NDUFA5: variants seen among roughly 807,000 people sequenced by gnomAD.
The protein encoded by NDUFA5 is NADH:ubiquinone oxidoreductase subunit A5.
In NDUFA5, 11 loss-of-function variants were observed where a neutral mutation model predicts 19.8. The observed-to-expected ratio is 0.56, with a 90% CI of 0.35 to 0.92. The LOEUF (loss-of-function observed/expected upper bound fraction) is 0.92, where lower values mean the gene tolerates loss of function less well. Among genes scored for constraint, NDUFA5 ranks in the 40% least tolerant of loss-of-function variants. The pLI, the probability that NDUFA5 is intolerant of heterozygous loss-of-function variation, is 0.01. For synonymous variants in NDUFA5, 47 were observed against 46.8 expected, an observed-to-expected ratio of 1.00 and a Z score of -0.01; for missense variants, 109 against 134.2, an observed-to-expected ratio of 0.81 and a Z score of 0.93.
chr7:123,557,809 A>G lies in NDUFA5; in HGVS notation c.-14T>C, dbSNP rs1798622580. 1.2e-6 allele frequency: 2 copies of G among 1,613,650 alleles called. No homozygotes were observed. Among genetic ancestry groups the G allele is most frequent in the South Asian group, 2.2e-5 (2 of 91,054 alleles). ...CACACCCGCCATGACAGCGCCAACG[A>G]CTCGGTGACGCACAACCCTTTGGGA... On this transcript the variant is annotated 5_prime_UTR_variant, in exon 1 of 5. Coordinates refer to ENST00000355749, the MANE Select transcript of NDUFA5 (RefSeq NM_005000.5).
At chr7:123,558,790 G>A (rs1278407496), upstream of NDUFA5, among the ~76,000 whole-genome samples, 1 of 152,110 alleles carries the variant, frequency 6.6e-6, no homozygotes, top group East Asian at 1.9e-4. Context: ...TACTTTTTAA[G>A]GAATGGGAAC....
the NDUFA5 span, among the ~76,000 whole-genome samples, chr7:123,581,231 G>A: frequency 6.6e-6 from 1 of 151,644 alleles, no homozygotes; most frequent in African/African-American, 2.4e-5. Context: ...ATAGTAGAAG[G>A]GTATGGGAGA....
chr7:123,572,796 T>C, the NDUFA5 span, among the ~76,000 whole-genome samples: 1 of 152,086 alleles, frequency 6.6e-6, no homozygotes. Flanking sequence ...ATACATTTGT[T>C]ACATTTATTA....
the NDUFA5 span, among the ~76,000 whole-genome samples, chr7:123,597,522 CTG>C: frequency 6.6e-6 from 1 of 152,172 alleles, no homozygotes; most frequent in Non-Finnish European, 1.5e-5. Flanking sequence ...GCACTCAGCA[CTG>C]TGAGTCTTAA....
At chr7:123,548,779 C>T (rs1013871363) in intron 3 of NDUFA5, among the ~76,000 whole-genome samples, 1 of 152,140 alleles carries the variant, frequency 6.6e-6, no homozygotes, top group Admixed American at 6.5e-5. Flanking sequence ...AAGCTTCATA[C>T]AACCAGCTCA....
At chr7:123,553,454 G>T (rs1388433298) in intron 2 of NDUFA5, among the ~76,000 whole-genome samples, 1 of 152,190 alleles carries the variant, frequency 6.6e-6, no homozygotes, top group Admixed American at 6.5e-5. Context: ...CTCCCACCAG[G>T]TTCCTCTCCC....
At chr7:123,550,733 A>C in intron 2 of NDUFA5, 147 bp from the exon 3 acceptor site, 1 of 579,976 alleles carries the variant, frequency 1.7e-6, no homozygotes, top group Non-Finnish European at 3.0e-6. Flanking sequence ...CTTTGCTCTG[A>C]CTTCTTTATG....
the NDUFA5 span, among the ~76,000 whole-genome samples, chr7:123,568,206 GT>G: frequency 6.6e-6 from 1 of 152,148 alleles, no homozygotes; most frequent in African/African-American, 2.4e-5. Context: ...GTTAAACATA[GT>G]TGTCTCTATT....
At chr7:123,570,092 T>G in the NDUFA5 span, among the ~76,000 whole-genome samples, 1 of 141,256 alleles carries the variant, frequency 7.1e-6, no homozygotes, top group Non-Finnish European at 1.5e-5. Context: ...TGGCTTGCAG[T>G]GGCACGATCT....
intron 2 of NDUFA5, among the ~76,000 whole-genome samples, chr7:123,554,254 T>C (rs1313122732): frequency 6.6e-6 from 1 of 152,196 alleles, no homozygotes; most frequent in Non-Finnish European, 1.5e-5. Context: ...TTTGTTAGGG[T>C]AAATAAAATA....
At position 123,542,686 on chromosome 7, in the gene NDUFA5, T is replaced by A. The variant is rs1797983504; in HGVS notation, c.250-466A>T. 2.0e-5 allele frequency among the ~76,000 whole-genome samples: 3 copies of A among 152,182 alleles called. No individual in the cohort carries two copies. The South Asian group carries it at 6.2e-4, about 31-fold the overall frequency. On this transcript the variant is annotated intron_variant, in intron 4 of 4. Coordinates refer to ENST00000355749, the MANE Select transcript of NDUFA5 (RefSeq NM_005000.5). ...ATATTCTTTTTTCTATTGTGTTTTT[T>A]TAAGCTAATCACTATCCAACTAACT...
At chr7:123,592,006 C>T in the NDUFA5 span, among the ~76,000 whole-genome samples, 1 of 152,118 alleles carries the variant, frequency 6.6e-6, no homozygotes, top group African/African-American at 2.4e-5. Context: ...AGAGATTCAA[C>T]TTTTTCCTGG....
At chr7:123,595,781 A>G in the NDUFA5 span, among the ~76,000 whole-genome samples, 1 of 152,188 alleles carries the variant, frequency 6.6e-6, no homozygotes, top group East Asian at 1.9e-4. Flanking sequence ...CCAATTCACT[A>G]TCATTTCCCA....
chr7:123,580,898 G>A, the NDUFA5 span, among the ~76,000 whole-genome samples: 2 of 152,046 alleles, frequency 1.3e-5, no homozygotes, highest in South Asian at 2.1e-4. Flanking sequence ...GAGACCGTTC[G>A]GTTAAGTCTA....
At chr7:123,590,791 T>C in the NDUFA5 span, among the ~76,000 whole-genome samples, 1 of 152,206 alleles carries the variant, frequency 6.6e-6, no homozygotes, top group African/African-American at 2.4e-5. Flanking sequence ...GGCTCCTTTT[T>C]GGTTCCATAT....
At chr7:123,542,998 C>A (rs574548148) in intron 4 of NDUFA5, among the ~76,000 whole-genome samples, 269 of 152,106 alleles carry the variant, frequency 1.8e-3, no homozygotes, top group Non-Finnish European at 2.9e-3. Flanking sequence ...AAAAGAAATT[C>A]AAACACAGAA....
intron 2 of NDUFA5, chr7:123,551,488 C>G: frequency 1.1e-6 from 1 of 951,262 alleles, no homozygotes; most frequent in South Asian, 4.8e-5. Flanking sequence ...GGATTACAGG[C>G]GTGAGCCCAC....
intron 2 of NDUFA5, among the ~76,000 whole-genome samples, chr7:123,551,083 G>A (rs529986996): frequency 4.0e-4 from 61 of 150,902 alleles, no homozygotes; most frequent in Non-Finnish European, 6.9e-4. Context: ...CCGCCACCAC[G>A]CCTGGCTAAT....
chr7:123,557,781 C>T lies in NDUFA5; in HGVS notation c.15G>A (p.Leu5=), dbSNP rs774056520. 2.5e-6 allele frequency: 4 copies of T among 1,613,778 alleles called. No individual in the cohort carries two copies. In the Admixed American group the frequency reaches 6.7e-5, roughly 27 times the overall value. Residue 5 remains leucine (L), a synonymous_variant, in exon 1 of 5, where the codon CTG becomes CTA. Transcript: ENST00000355749. MAGV[L]KKTTGLVGLA... ...TGACCTCCATTCGTCTCACCTTCTT[C>T]AGCACACCCGCCATGACAGCGCCAA... is the stretch of plus-strand genomic sequence containing the variant.
Sources: gnomAD v4.1 joint callset for allele counts (sites outside exome capture counted in the v4.1 genomes callset) on GRCh38, gnomAD v4.1.1 for gene constraint, MANE v1.5 for transcripts, NCBI Gene and HGNC (gene_info 2026-07-23, HGNC 2026-07-21) for gene names.